The following ZNF385B variants were observed in gnomAD, a reference collection of about 807,000 sequenced individuals.
The protein encoded by ZNF385B is zinc finger protein 533.
Under a neutral mutation model 39.2 loss-of-function variants are expected in ZNF385B, and 23 were observed. The ratio of observed to expected loss-of-function variants is 0.59; its 90% CI spans 0.42 to 0.83. The LOEUF (loss-of-function observed/expected upper bound fraction) is 0.83. Among genes scored for constraint, ZNF385B ranks in the 40% least tolerant of loss-of-function variants. ZNF385B has a pLI of 0.00. For missense variants in ZNF385B, 552 were observed against 598.9 expected (o/e 0.92, Z 0.82); for synonymous variants, 205 against 222.6 (o/e 0.92, Z 0.70).
intron 6 of ZNF385B, among the ~76,000 whole-genome samples, chr2:179,470,775 T>C (rs1376428843): frequency 6.6e-6 from 1 of 152,164 alleles, no homozygotes; most frequent in Non-Finnish European, 1.5e-5. Context: ...AAAGGTACCC[T>C]AGAATAAAAT....
At position 179,609,286 on chromosome 2, in the gene ZNF385B, G is replaced by A. The variant is rs1689092676; in HGVS notation, c.299-64317C>T. Among the ~76,000 whole-genome samples the A allele has an allele frequency of 2.6e-5, 4 of 152,032 alleles. No homozygotes were observed. The East Asian group carries it at 5.8e-4, about 22-fold the overall frequency. ...TCTCTGTCTCCATGAGTTCAATTGT[G>A]TTAATTTTTAGCTCCCACAGATATG... On this transcript the variant is annotated intron_variant, in intron 3 of 9. Coordinates refer to ENST00000410066, the MANE Select transcript of ZNF385B (RefSeq NM_152520.6).
intron 6 of ZNF385B, among the ~76,000 whole-genome samples, chr2:179,464,523 G>T (rs1428283513): frequency 6.6e-6 from 1 of 152,098 alleles, no homozygotes. Flanking sequence ...GTTGATTTTT[G>T]TATAAGGTGT....
intron 3 of ZNF385B, among the ~76,000 whole-genome samples, chr2:179,720,913 CCAT>C (rs1700649126): frequency 6.7e-6 from 1 of 150,042 alleles, no homozygotes; most frequent in Admixed American, 6.7e-5. Context: ...TTGTGTGCCA[CCAT>C]GCCTGGCTGT....
intron 3 of ZNF385B, among the ~76,000 whole-genome samples, chr2:179,595,943 TA>T (rs1558960097): frequency 6.6e-6 from 1 of 152,080 alleles, no homozygotes; most frequent in African/African-American, 2.4e-5. Flanking sequence ...TACAGCATTT[TA>T]AAAAAATTGT....
chr2:179,669,203 C>G (rs528010570), intron 3 of ZNF385B, among the ~76,000 whole-genome samples: 3 of 152,128 alleles, frequency 2.0e-5, no homozygotes, highest in South Asian at 2.1e-4. Flanking sequence ...GGTAACTTAC[C>G]CAAGGTTACA....
chr2:179,448,668 G>A (rs924188143), intron 6 of ZNF385B, among the ~76,000 whole-genome samples: 1 of 152,092 alleles, frequency 6.6e-6, no homozygotes, highest in Admixed American at 6.6e-5. Flanking sequence ...TCTTAAAGAT[G>A]AGGAAACTGA....
chr2:179,737,524 G>T (rs1440151901), intron 3 of ZNF385B, among the ~76,000 whole-genome samples: 1 of 151,634 alleles, frequency 6.6e-6, no homozygotes, highest in Non-Finnish European at 1.5e-5. Context: ...ACCTGTTTTA[G>T]GTTTTAACTT....
At chr2:179,722,930 C>G (rs1700784129) in intron 3 of ZNF385B, among the ~76,000 whole-genome samples, 1 of 152,074 alleles carries the variant, frequency 6.6e-6, no homozygotes, top group African/African-American at 2.4e-5. Flanking sequence ...AGAGGAAACA[C>G]AAATGGCCAA....
intron 4 of ZNF385B, among the ~76,000 whole-genome samples, chr2:179,544,580 C>T (rs1056104552): frequency 2.0e-5 from 3 of 151,996 alleles, no homozygotes; most frequent in Non-Finnish European, 4.4e-5. Flanking sequence ...GAAAATTGTG[C>T]AACACAACAG....
intron 3 of ZNF385B, among the ~76,000 whole-genome samples, chr2:179,729,375 T>A (rs973724832): frequency 1.9e-4 from 29 of 152,000 alleles, no homozygotes; most frequent in Admixed American, 2.0e-4. Context: ...GGAAACAGAA[T>A]CTTATGAGTG....
At chr2:179,545,055 G>A (rs2060145468) in intron 3 of ZNF385B, 86 bp from the exon 4 acceptor site, 1 of 1,560,200 alleles carries the variant, frequency 6.4e-7, no homozygotes, top group Non-Finnish European at 8.8e-7. Context: ...CAAGTCTGTT[G>A]AGCTGCAACT....
At chr2:179,582,459 A>C (rs1298779151) in intron 3 of ZNF385B, among the ~76,000 whole-genome samples, 5 of 152,204 alleles carry the variant, frequency 3.3e-5, no homozygotes, top group African/African-American at 1.2e-4. Context: ...AACAATTTAC[A>C]GAATAATACA....
chr2:179,817,801 A>ATG (rs1707160071), intron 1 of ZNF385B, among the ~76,000 whole-genome samples: 1 of 152,004 alleles, frequency 6.6e-6, no homozygotes, highest in African/African-American at 2.4e-5. Flanking sequence ...GTGTGTGTGC[A>ATG]TGCATGTTGG....
chr2:179,769,887 G>A (rs1276505936), intron 2 of ZNF385B, 85 bp from the exon 3 acceptor site: 1 of 1,366,392 alleles, frequency 7.3e-7, no homozygotes, highest in African/African-American at 1.5e-5. Context: ...TTAAGGGTTT[G>A]TTTAAGCTAA....
chr2:179,662,402 C>G (rs1467131602), intron 3 of ZNF385B, among the ~76,000 whole-genome samples: 10 of 144,630 alleles, frequency 6.9e-5, no homozygotes, highest in Non-Finnish European at 9.0e-5. Flanking sequence ...CTTCTTGCCT[C>G]TAGAACTTTG....
chr2:179,507,092 T>G (rs1431748982), intron 5 of ZNF385B, among the ~76,000 whole-genome samples: 1 of 152,150 alleles, frequency 6.6e-6, no homozygotes, highest in Non-Finnish European at 1.5e-5. Context: ...AAAGATTTCT[T>G]TTCATTTTTT....
intron 3 of ZNF385B, among the ~76,000 whole-genome samples, chr2:179,664,026 T>G (rs1694834177): frequency 6.6e-6 from 1 of 151,520 alleles, no homozygotes; most frequent in Admixed American, 6.6e-5. Context: ...AATTTCATAT[T>G]TTTTGGAATT....
rs572312509 is a variant in ZNF385B at position 179,582,508 on chromosome 2, G to GT, written c.299-37540dup. Among the ~76,000 whole-genome samples the GT allele has an allele frequency of 6.6e-5, 10 of 152,238 alleles. No individual in the cohort carries two copies. The South Asian group carries it at 2.1e-3, about 32-fold the overall frequency. ...ATAACTCAGAAACAGATCAGATGGG[G>GT]TTTTTTGAGTGTGCGCTCTCTTCCC... On this transcript the variant is annotated intron_variant, in intron 3 of 9. Coordinates refer to ENST00000410066, the MANE Select transcript of ZNF385B (RefSeq NM_152520.6).
intron 3 of ZNF385B, among the ~76,000 whole-genome samples, chr2:179,558,925 T>C (rs1002109808): frequency 2.0e-5 from 3 of 152,094 alleles, no homozygotes; most frequent in Non-Finnish European, 4.4e-5. Flanking sequence ...GATCTGGCCA[T>C]GCCAAGGCCA....
Sources: allele counts gnomAD v4.1 joint callset (sites outside exome capture counted in the v4.1 genomes callset), GRCh38; gene constraint gnomAD v4.1.1; transcripts MANE v1.5; gene names NCBI Gene and HGNC (gene_info 2026-07-23, HGNC 2026-07-21).